Variants in CHMP6 observed in about 807,000 individuals in gnomAD.
CHMP6 encodes the protein charged multivesicular body protein 6.
A neutral mutation model predicts 32.8 loss-of-function variants in CHMP6; 10 were observed. The observed-to-expected ratio is 0.30, with a 90% confidence interval of 0.19 to 0.52. CHMP6 has a LOEUF of 0.52. Ranked by LOEUF, CHMP6 falls within the 20% of genes least tolerant of loss-of-function variation. CHMP6 has a pLI of 0.97. For synonymous variants in CHMP6, 123 were observed against 105.8 expected (o/e 1.16, Z -1.00); for missense variants, 269 against 263.8 (o/e 1.02, Z -0.14).
chr17:80,997,589 G>A (rs1197969081), intron 6 of CHMP6, among the ~76,000 whole-genome samples: 1 of 152,044 alleles, frequency 6.6e-6, no homozygotes, highest in Non-Finnish European at 1.5e-5. Context: ...CTGGCGCCTC[G>A]GCCCCTTTCT....
At position 80,999,306 on chromosome 17, in the gene CHMP6, C is replaced by T. The variant is rs2069665850; in HGVS notation, c.*153C>T. The T allele has an allele frequency of 1.3e-6, 1 of 754,650 alleles. No individual in the cohort carries two copies. Among genetic ancestry groups the T allele is most frequent in the African/African-American group, 1.7e-5 (1 of 57,528 alleles). The allele number at this position is 754,650 out of a possible 1,614,324, so 46.7% of individuals were successfully genotyped here. Reference sequence around the variant, plus strand: ...GCCACGCAGGCGCATTGCAGGAGGACTCCAGAGCGTCTCCTGGAGACCTTG... The same window carrying T: ...GCCACGCAGGCGCATTGCAGGAGGATTCCAGAGCGTCTCCTGGAGACCTTG... On this transcript the variant is annotated 3_prime_UTR_variant, in exon 8 of 8. Coordinates refer to ENST00000325167, the MANE Select transcript of CHMP6 (RefSeq NM_024591.5).
chr17:80,994,537 C>T, intron 1 of CHMP6, 44 bp from the exon 2 acceptor site: 1 of 1,509,770 alleles, frequency 6.6e-7, no homozygotes, highest in Non-Finnish European at 8.9e-7. Flanking sequence ...GGCCAGGGCT[C>T]CCAGTGTGGG....
At position 80,991,948 on chromosome 17, in the gene CHMP6, G is replaced by T; in HGVS notation, c.30G>T (p.Gln10His). ...GTAACCTGTTCGGCCGCAAGAAGCA[G>T]AGCCGCGTCACGGAGCAGGACAAGG... MGNLFGRKK[Q>H]SRVTEQDKAI... The change falls in exon 1 of 8, where the codon CAG (glutamine) becomes CAT (histidine). Residue 10 changes from glutamine (Q) to histidine (H), a missense_variant. Transcript: ENST00000325167. 6.8e-7 allele frequency: 1 copy of T among 1,468,632 alleles called. No homozygotes were observed. 91.0% of individuals were successfully genotyped at this position (1,468,632 alleles called of 1,614,324 possible). A position where few individuals can be genotyped will look rare whatever the true frequency, so the allele number is the denominator to read the frequency against.
At chr17:80,997,806 G>A (rs548421153) in intron 6 of CHMP6, among the ~76,000 whole-genome samples, 3 of 152,342 alleles carry the variant, frequency 2.0e-5, no homozygotes, top group South Asian at 2.1e-4. Context: ...CCCCAGAGCC[G>A]GCCTCTGCCC....
rs2069664131 is a variant in CHMP6, at chr17:80,999,145, G to A, written c.598G>A (p.Ala200Thr). ...ARPRQAELVA[A>T]S ...GCCCAGGCAGGCGGAGCTGGTGGCAGCTTCGTAACGTGGCCTCGTCTTGTG... is the reference window on the plus strand; with the variant it reads ...GCCCAGGCAGGCGGAGCTGGTGGCAACTTCGTAACGTGGCCTCGTCTTGTG... The change falls in exon 8 of 8, where the codon GCT (alanine) becomes ACT (threonine). Residue 200 changes from alanine (A) to threonine (T), a missense_variant. Coordinates refer to ENST00000325167, the MANE Select transcript of CHMP6 (RefSeq NM_024591.5). 1 of 1,613,910 alleles carries A rather than the reference G, an allele frequency of 6.2e-7. No homozygotes were observed. The highest frequency in any genetic ancestry group is 8.5e-7 in the Non-Finnish European group (1 of 1,179,968).
At chr17:80,996,845 C>A (rs901032058) in intron 4 of CHMP6, among the ~76,000 whole-genome samples, 162 bp from the exon 5 acceptor site, 1 of 152,142 alleles carries the variant, frequency 6.6e-6, no homozygotes, top group Non-Finnish European at 1.5e-5. Context: ...TTGGACGGAT[C>A]GCTTGAGCCC....
At chr17:80,995,591 T>A in intron 3 of CHMP6, 81 bp from the exon 4 acceptor site, 1 of 1,243,852 alleles carries the variant, frequency 8.0e-7, no homozygotes, top group Non-Finnish European at 1.2e-6. Flanking sequence ...AGCAAGGGTG[T>A]CATCCTGAAC....
rs565994178 is a variant in CHMP6 at position 80,999,039 on chromosome 17, C to G, written c.551-59C>G. On this transcript the variant is annotated intron_variant, in intron 7 of 7. Coordinates refer to ENST00000325167, the MANE Select transcript of CHMP6 (RefSeq NM_024591.5). ...GCCACCCCTGTGGCCTCGTCCCTCT[C>G]TGGAGGTCTCTGCCTGTGGGTCTTT... is the stretch of plus-strand genomic sequence containing the variant. 8 of 1,602,444 alleles carry G rather than the reference C, an allele frequency of 5.0e-6. No individual in the cohort carries two copies. The African/African-American group carries it at 1.1e-4, about 21-fold the overall frequency.
At chr17:80,998,284 G>A in intron 6 of CHMP6, 82 bp from the exon 7 acceptor site, 7 of 1,500,006 alleles carry the variant, frequency 4.7e-6, no homozygotes, top group Non-Finnish European at 6.5e-6. Flanking sequence ...TGACGGACAG[G>A]ATCCGTGTCC....
rs924073749 is a variant in CHMP6, at chr17:80,992,009, T to G, written c.63+28T>G. 4.5e-5 allele frequency: 62 copies of G among 1,372,394 alleles called. No individual in the cohort carries two copies. The African/African-American group carries it at 8.9e-4, about 20-fold the overall frequency. The allele number at this position is 1,372,394 out of a possible 1,614,324, so 85.0% of individuals were successfully genotyped here. A position where few individuals can be genotyped will look rare whatever the true frequency, so the allele number is the denominator to read the frequency against. ...GAGGGCCCGGGCCCGGGGTCAGGGC[T>G]GGGGCCGGGACAGGCGACGGGGCCG... On this transcript the variant is annotated intron_variant, in intron 1 of 7. Transcript: ENST00000325167.
At chr17:80,997,489 G>T in intron 6 of CHMP6, 148 bp downstream of exon 6, 1 of 513,046 alleles carries the variant, frequency 1.9e-6, no homozygotes. Context: ...TCCTACCTGA[G>T]GTGACTCTGT....
In CHMP6 at chr17:80,998,373, T is replaced by C. The variant is rs1568029539; in HGVS notation, c.503T>C (p.Ile168Thr). 1 of 1,614,200 alleles carries C rather than the reference T, an allele frequency of 6.2e-7. No individual in the cohort carries two copies. The highest frequency in any genetic ancestry group is 8.5e-7 in the Non-Finnish European group (1 of 1,180,016). Residue 168 changes from isoleucine (I) to threonine (T), a missense_variant, in exon 7 of 8, where the codon ATA becomes ACA. Transcript: ENST00000325167. ...EELSAITQEQ[I>T]ELPEVPSEPL... Reference sequence around the variant, plus strand: ...ACCCTTTGCTTCTTGCAGGAACAAATAGAGCTGCCAGAGGTTCCCTCCGAG... The same window carrying C: ...ACCCTTTGCTTCTTGCAGGAACAAACAGAGCTGCCAGAGGTTCCCTCCGAG...
In CHMP6 at chr17:80,998,524, G is replaced by A. The variant is rs778035091; in HGVS notation, c.550+104G>A. The A allele has an allele frequency of 2.5e-6, 4 of 1,598,016 alleles. No homozygotes were observed. The South Asian group carries it at 3.4e-5, about 13-fold the overall frequency. ...GCTCCCAGGCCTTCCTGGGCCGTGG[G>A]CAAGCCCTGCTGCCTGGCTGTTTGG... On this transcript the variant is annotated intron_variant, in intron 7 of 7. Coordinates refer to ENST00000325167, the MANE Select transcript of CHMP6 (RefSeq NM_024591.5).
intron 1 of CHMP6, among the ~76,000 whole-genome samples, chr17:80,992,289 C>T (rs968385138): frequency 5.3e-5 from 8 of 151,994 alleles, no homozygotes; most frequent in Non-Finnish European, 8.8e-5. Context: ...GCGTTCGGGG[C>T]TCGGCCACAG....
chr17:80,997,365 C>G (rs1488661352), intron 6 of CHMP6, 24 bp downstream of exon 6: 1 of 1,600,102 alleles, frequency 6.2e-7, no homozygotes, highest in East Asian at 2.2e-5. Flanking sequence ...CGGGACTGAG[C>G]ACAGTCACTC....
In CHMP6 at chr17:80,999,999, T is replaced by C. The variant is rs1465499743; in HGVS notation, c.*846T>C. The C allele has an allele frequency of 2.6e-5, 4 of 152,210 alleles. No homozygotes were observed. The highest frequency in any genetic ancestry group is 2.0e-4 in the Admixed American group (3 of 15,282). The allele number at this position is 152,210 out of a possible 1,614,324, so 9.4% of individuals were successfully genotyped here. ...CTGTGGGGCATGGCGTGACTTCTCG[T>C]GCACAGGGCTGGTTTGGTTATGAGA... On this transcript the variant is annotated 3_prime_UTR_variant, in exon 8 of 8. Transcript: ENST00000325167.
intron 6 of CHMP6, 31 bp from the exon 7 acceptor site, chr17:80,998,335 T>G: frequency 6.2e-7 from 1 of 1,613,808 alleles, no homozygotes; most frequent in Non-Finnish European, 8.5e-7. Flanking sequence ...ACCTGTCACC[T>G]GCTCATAGCC....
At chr17:80,998,995 G>A in intron 7 of CHMP6, 103 bp from the exon 8 acceptor site, 1 of 1,365,928 alleles carries the variant, frequency 7.3e-7, no homozygotes, top group Non-Finnish European at 1.0e-6. Context: ...CTAGTGCGAA[G>A]TCCCCGGAAC....
rs142909705 is a variant in CHMP6, at chr17:80,996,315, G to A, written c.348+557G>A. On this transcript the variant is annotated intron_variant, in intron 4 of 7. Coordinates refer to ENST00000325167, the MANE Select transcript of CHMP6 (RefSeq NM_024591.5). Reference sequence around the variant, plus strand: ...GCCTGGATGATAAGAGCAAAACTCCGTCTCAGGAAAAAAAAAAAAGAAGGC... The same window carrying A: ...GCCTGGATGATAAGAGCAAAACTCCATCTCAGGAAAAAAAAAAAAGAAGGC... Among the ~76,000 whole-genome samples the A allele has an allele frequency of 2.1e-3, 312 of 148,528 alleles. 2 individuals are homozygous for A. The highest frequency in any genetic ancestry group is 7.4e-3 in the African/African-American group (289 of 39,294).
Sources: allele counts gnomAD v4.1 joint callset (sites outside exome capture counted in the v4.1 genomes callset), GRCh38; gene constraint gnomAD v4.1.1; transcripts MANE v1.5; gene names NCBI Gene and HGNC (gene_info 2026-07-23, HGNC 2026-07-21).